COL10A1: variants seen among roughly 807,000 people sequenced by gnomAD.
COL10A1 encodes collagen type X alpha 1 chain.
COL10A1 carries 10 observed loss-of-function variants against 18.2 expected under a neutral mutation model. The observed-to-expected ratio is 0.55, with a 90% CI of 0.34 to 0.93. The LOEUF is 0.93. Among genes scored for constraint, COL10A1 ranks in the 40% least tolerant of loss-of-function variants. The pLI, the probability that COL10A1 is intolerant of heterozygous loss-of-function variation, is 0.02. For missense variants in COL10A1, 897 were observed against 853.5 expected (o/e 1.05, Z -0.64); for synonymous variants, 330 against 316.6 (o/e 1.04, Z -0.45).
At chr6:116,135,758 A>T (rs566835472) in intron 1 of COL10A1, among the ~76,000 whole-genome samples, 16 of 148,392 alleles carry the variant, frequency 1.1e-4, no homozygotes, top group African/African-American at 1.7e-4. Flanking sequence ...AGCTTAAAAA[A>T]TTTTTTTTCT....
chr6:116,122,109 TTA>T (rs1779149870), intron 2 of COL10A1, 148 bp from the exon 3 acceptor site: 9 of 808,256 alleles, frequency 1.1e-5, no homozygotes, highest in Middle Eastern at 3.4e-4. Flanking sequence ...TGGTTTTAGA[TTA>T]TATGTTTTAT....
chr6:116,146,700 C>G (rs1050758527), intron 1 of COL10A1, among the ~76,000 whole-genome samples: 4 of 151,940 alleles, frequency 2.6e-5, no homozygotes, highest in Non-Finnish European at 5.9e-5. Context: ...TCTTTTTGAT[C>G]TACATTGTTT....
the COL10A1 span, among the ~76,000 whole-genome samples, chr6:116,216,411 G>A: frequency 1.3e-5 from 2 of 151,426 alleles, no homozygotes; most frequent in Admixed American, 1.3e-4. Context: ...AAATACCAAT[G>A]TTGTGGCCCT....
the COL10A1 span, among the ~76,000 whole-genome samples, chr6:116,180,433 A>G: frequency 6.6e-6 from 1 of 152,080 alleles, no homozygotes; most frequent in Non-Finnish European, 1.5e-5. Flanking sequence ...ATAATCCCTA[A>G]TGAAATAATG....
At chr6:116,180,463 A>T in the COL10A1 span, among the ~76,000 whole-genome samples, 1 of 152,108 alleles carries the variant, frequency 6.6e-6, no homozygotes, top group Admixed American at 6.6e-5. Context: ...AGTGATCATT[A>T]ATGACTGCTA....
chr6:116,173,347 T>C, the COL10A1 span, among the ~76,000 whole-genome samples: 21 of 152,330 alleles, frequency 1.4e-4, no homozygotes, highest in Non-Finnish European at 2.5e-4. Context: ...ATTTACTCTT[T>C]AACAATCTGA....
chr6:116,153,114 T>G (rs981126524), intron 1 of COL10A1, among the ~76,000 whole-genome samples: 3 of 151,886 alleles, frequency 2.0e-5, no homozygotes, highest in Admixed American at 2.0e-4. Context: ...TATAAAAATA[T>G]ATACACAAAT....
the COL10A1 span, among the ~76,000 whole-genome samples, chr6:116,207,834 C>T: frequency 6.6e-6 from 1 of 151,936 alleles, no homozygotes; most frequent in Middle Eastern, 3.2e-3. Context: ...GCTTTCTTTA[C>T]TCTGTGCCTC....
At chr6:116,194,179 T>C in the COL10A1 span, among the ~76,000 whole-genome samples, 1 of 152,094 alleles carries the variant, frequency 6.6e-6, no homozygotes, top group Non-Finnish European at 1.5e-5. Context: ...GTGACATGAT[T>C]TTGAGCAGTT....
the COL10A1 span, among the ~76,000 whole-genome samples, chr6:116,178,054 TG>T: frequency 3.0e-4 from 18 of 59,530 alleles, no homozygotes; most frequent in Middle Eastern, 7.6e-3. Flanking sequence ...AAGAGGAAAG[TG>T]TGTGTGTGTG....
At chr6:116,137,198 C>A in intron 1 of COL10A1, 2 of 173,458 alleles carry the variant, frequency 1.2e-5, no homozygotes, top group South Asian at 1.5e-4. Flanking sequence ...CTGCCACCAC[C>A]ACTTCCTGGC....
At position 116,119,376 on chromosome 6, in the gene COL10A1, CT is replaced by C. The variant is rs1779037521; in HGVS notation, c.*696del. The C allele has an allele frequency of 6.6e-6, 1 of 152,320 alleles. No individual in the cohort carries two copies. Among genetic ancestry groups the C allele is most frequent in the Admixed American group, 6.5e-5 (1 of 15,272 alleles). 9.4% of individuals were successfully genotyped at this position (152,320 alleles called of 1,614,324 possible). ...CAAGTTATGCTGGGTATATAAAAAG[CT>C]TCTCTGCAATCATAGAAAAGTTTGA... On this transcript the variant is annotated 3_prime_UTR_variant, in exon 3 of 3. Coordinates refer to ENST00000651968, the MANE Select transcript of COL10A1 (RefSeq NM_000493.4).
chr6:116,211,998 C>A, the COL10A1 span, among the ~76,000 whole-genome samples: 1 of 151,980 alleles, frequency 6.6e-6, no homozygotes, highest in Admixed American at 6.6e-5. Context: ...AGGCTTAGGG[C>A]ATTATTACTC....
At chr6:116,186,459 C>G in the COL10A1 span, among the ~76,000 whole-genome samples, 1 of 152,070 alleles carries the variant, frequency 6.6e-6, no homozygotes, top group African/African-American at 2.4e-5. Flanking sequence ...TCGATTATTC[C>G]CTCAAACATG....
chr6:116,163,139 A>ATATATATAT (rs1329810394), upstream of COL10A1, among the ~76,000 whole-genome samples: 19 of 100,426 alleles, frequency 1.9e-4, no homozygotes, highest in Admixed American at 1.5e-3. Context: ...AAAAAAAAAA[A>ATATATATAT]AAATATATAT....
chr6:116,143,662 A>G (rs1464551015), intron 1 of COL10A1, among the ~76,000 whole-genome samples: 19 of 152,042 alleles, frequency 1.2e-4, no homozygotes, highest in Non-Finnish European at 2.8e-4. Flanking sequence ...TGTTAATTTA[A>G]TATTTTGTTG....
the COL10A1 span, among the ~76,000 whole-genome samples, chr6:116,178,766 C>T: frequency 6.6e-6 from 1 of 152,192 alleles, no homozygotes; most frequent in Non-Finnish European, 1.5e-5. Context: ...GTGAGCATCT[C>T]AGAAGGGGAG....
chr6:116,173,640 C>T, the COL10A1 span, among the ~76,000 whole-genome samples: 7 of 152,078 alleles, frequency 4.6e-5, no homozygotes, highest in African/African-American at 1.7e-4. Flanking sequence ...TCCTTGGGCT[C>T]CTCTTTTCCT....
At chr6:116,184,922 G>A in the COL10A1 span, among the ~76,000 whole-genome samples, 1 of 151,690 alleles carries the variant, frequency 6.6e-6, no homozygotes, top group East Asian at 1.9e-4. Flanking sequence ...GCTGGGTTTG[G>A]GTTTGGTTTG....
Sources: allele counts gnomAD v4.1 joint callset (sites outside exome capture counted in the v4.1 genomes callset), GRCh38; gene constraint gnomAD v4.1.1; transcripts MANE v1.5; gene names NCBI Gene and HGNC (gene_info 2026-07-23, HGNC 2026-07-21).